FHIP1A: variants seen among roughly 807,000 people sequenced by gnomAD.
The protein encoded by FHIP1A is FHF complex subunit HOOK interacting protein 1A, also known as FHF complex subunit HOOK-interacting protein 1A.
A neutral mutation model predicts 88.6 loss-of-function variants in FHIP1A; 61 were observed. The ratio of observed to expected loss-of-function variants is 0.69; its 90% CI spans 0.56 to 0.85. The LOEUF (loss-of-function observed/expected upper bound fraction) is 0.85, where lower values mean the gene tolerates loss of function less well. FHIP1A is among the 40% of genes least tolerant of loss of function. FHIP1A has a pLI of 0.00. For synonymous variants in FHIP1A, 478 were observed against 496.0 expected, an observed-to-expected ratio of 0.96 and a Z score of 0.48; for missense variants, 1,154 against 1,273.5, an observed-to-expected ratio of 0.91 and a Z score of 1.43.
intron 7 of FHIP1A, among the ~76,000 whole-genome samples, chr4:151,613,836 G>A (rs1294685519): frequency 6.6e-6 from 1 of 152,172 alleles, no homozygotes; most frequent in Non-Finnish European, 1.5e-5. Context: ...CATGGAACTT[G>A]GGTTGAGAAC....
chr4:151,577,375 G>C, intron 4 of FHIP1A, 75 bp from the exon 5 acceptor site: 1 of 1,402,344 alleles, frequency 7.1e-7, no homozygotes, highest in Non-Finnish European at 9.5e-7. Flanking sequence ...TGACAATTTG[G>C]TAAAATCAGT....
intron 3 of FHIP1A, among the ~76,000 whole-genome samples, chr4:151,538,715 G>A (rs1168691661): frequency 6.6e-6 from 1 of 152,152 alleles, no homozygotes; most frequent in Non-Finnish European, 1.5e-5. Flanking sequence ...TCAAGTTATG[G>A]CGGAACTGTG....
chr4:151,540,876 T>G (rs1268987189), intron 3 of FHIP1A, among the ~76,000 whole-genome samples: 1 of 152,164 alleles, frequency 6.6e-6, no homozygotes, highest in African/African-American at 2.4e-5. Flanking sequence ...CCCGAGGCAG[T>G]GATGTTGAAG....
intron 9 of FHIP1A, among the ~76,000 whole-genome samples, chr4:151,641,386 T>C (rs1275716568): frequency 6.6e-6 from 1 of 152,232 alleles, no homozygotes; most frequent in Admixed American, 6.5e-5. Context: ...ATTGGGAGGA[T>C]CAACTGTGGT....
At chr4:151,487,677 A>G (rs1039484541) in intron 3 of FHIP1A, among the ~76,000 whole-genome samples, 1 of 152,256 alleles carries the variant, frequency 6.6e-6, no homozygotes, top group African/African-American at 2.4e-5. Context: ...CCTGTGTGCC[A>G]GGCACTATTC....
At position 151,586,696 on chromosome 4, in the gene FHIP1A, A is replaced by C. The variant is rs748140169; in HGVS notation, c.788A>C (p.Glu263Ala). 4.5e-6 allele frequency: 7 copies of C among 1,551,404 alleles called. No individual in the cohort carries two copies. Among genetic ancestry groups the C allele is most frequent in the Non-Finnish European group, 6.1e-6 (7 of 1,146,734 alleles). Residue 263 changes from glutamate to alanine, a missense_variant, in exon 6 of 14, where the codon GAG (glutamate) becomes GCG (alanine). Coordinates refer to ENST00000435205, the MANE Select transcript of FHIP1A (RefSeq NM_001109977.3). ...TCTTCCCTGCCTACAAAGCTAGAAGAGAAAGGCGAGGAATGGCACTGCCTT... is the reference window on the plus strand; with the variant it reads ...TCTTCCCTGCCTACAAAGCTAGAAGCGAAAGGCGAGGAATGGCACTGCCTT... Reference protein sequence around the residue: ...LYSSLPTKLEEKGEEWHCLLK... With the variant: ...LYSSLPTKLEAKGEEWHCLLK...
intron 2 of FHIP1A, among the ~76,000 whole-genome samples, chr4:151,471,118 ACTC>A (rs1729494866): frequency 6.6e-6 from 1 of 151,830 alleles, no homozygotes; most frequent in Non-Finnish European, 1.5e-5. Context: ...TGGTTCAGGA[ACTC>A]CAGGGCCATT....
At chr4:151,499,108 A>G (rs555305723) in intron 3 of FHIP1A, among the ~76,000 whole-genome samples, 1 of 152,234 alleles carries the variant, frequency 6.6e-6, no homozygotes, top group African/African-American at 2.4e-5. Flanking sequence ...ATGTGTATCT[A>G]TATTTTGGGC....
chr4:151,429,393 A>C (rs538753769), intron 1 of FHIP1A, among the ~76,000 whole-genome samples: 2 of 152,212 alleles, frequency 1.3e-5, no homozygotes, highest in Admixed American at 1.3e-4. Context: ...CCAATACCAA[A>C]GACATTGTAA....
chr4:151,422,258 G>T (rs1733201288), intron 1 of FHIP1A, among the ~76,000 whole-genome samples: 5 of 151,356 alleles, frequency 3.3e-5, no homozygotes, highest in Admixed American at 1.3e-4. Context: ...CCCCACATAA[G>T]AATGTAAAGC....
intron 3 of FHIP1A, among the ~76,000 whole-genome samples, chr4:151,511,532 C>T (rs558362610): frequency 2.0e-5 from 3 of 152,334 alleles, no homozygotes; most frequent in South Asian, 4.1e-4. Context: ...CTTTCCTAGT[C>T]AAAGAAAGGG....
intron 11 of FHIP1A, among the ~76,000 whole-genome samples, chr4:151,655,592 G>A (rs914504394): frequency 6.6e-6 from 1 of 152,052 alleles, no homozygotes; most frequent in Non-Finnish European, 1.5e-5. Context: ...GAGTTGCTAA[G>A]GCTACTAAGA....
chr4:151,451,218 G>T (rs1415629942), intron 1 of FHIP1A, among the ~76,000 whole-genome samples: 1 of 151,844 alleles, frequency 6.6e-6, no homozygotes, highest in East Asian at 1.9e-4. Flanking sequence ...ATTTTTAAAT[G>T]CTCTTTTTAG....
intron 3 of FHIP1A, among the ~76,000 whole-genome samples, chr4:151,514,657 C>T (rs953886034): frequency 2.2e-4 from 34 of 152,158 alleles, no homozygotes; most frequent in African/African-American, 7.5e-4. Flanking sequence ...AAACTACTAT[C>T]AGAGAATACT....
At chr4:151,415,671 T>C (rs1732864344) in intron 1 of FHIP1A, among the ~76,000 whole-genome samples, 1 of 152,206 alleles carries the variant, frequency 6.6e-6, no homozygotes, top group Non-Finnish European at 1.5e-5. Context: ...CCTCTAGTAG[T>C]GTCCCTTCAT....
intron 7 of FHIP1A, among the ~76,000 whole-genome samples, chr4:151,629,058 C>T (rs1159219963): frequency 1.3e-5 from 2 of 152,024 alleles, no homozygotes; most frequent in Admixed American, 6.6e-5. Context: ...ATAAAAAAGT[C>T]GCAGTTACTT....
chr4:151,520,000 G>GT (rs1166897947), intron 3 of FHIP1A, among the ~76,000 whole-genome samples: 1 of 152,094 alleles, frequency 6.6e-6, no homozygotes, highest in African/African-American at 2.4e-5. Context: ...TTTGTCAGAT[G>GT]TATGTTTTGC....
chr4:151,486,716 C>T (rs192543227), intron 3 of FHIP1A, among the ~76,000 whole-genome samples: 3 of 152,154 alleles, frequency 2.0e-5, no homozygotes, highest in African/African-American at 7.2e-5. Context: ...TCTGTAATCC[C>T]AGCACTTTGG....
intron 3 of FHIP1A, among the ~76,000 whole-genome samples, chr4:151,491,937 C>T (rs1477937444): frequency 6.6e-6 from 1 of 152,022 alleles, no homozygotes; most frequent in South Asian, 2.1e-4. Flanking sequence ...AAGAATTAGT[C>T]CAGCAGGAAA....
Sources: allele counts gnomAD v4.1 joint callset (sites outside exome capture counted in the v4.1 genomes callset), GRCh38; gene constraint gnomAD v4.1.1; transcripts MANE v1.5; gene names NCBI Gene and HGNC (gene_info 2026-07-23, HGNC 2026-07-21).